SLC25A35: variants seen among roughly 807,000 people sequenced by gnomAD.
SLC25A35 encodes the protein solute carrier family 25, member 35.
Under a neutral mutation model 30.5 loss-of-function variants are expected in SLC25A35, and 32 were observed. The observed-to-expected ratio is 1.05, with a 90% CI of 0.79 to 1.41. The LOEUF is 1.41. SLC25A35 is among the 40% of genes most tolerant of loss of function. The pLI is 0.00. For missense variants in SLC25A35, 369 were observed against 388.0 expected, an observed-to-expected ratio of 0.95 and a Z score of 0.41; for synonymous variants, 142 against 158.1, an observed-to-expected ratio of 0.90 and a Z score of 0.77.
rs1990773278 is a variant in SLC25A35, at chr17:8,295,118, G to A, written c.-311C>T. ...GAAGGTTGCAGGTGGGATGGCTCAG[G>A]ATGGCGGGCGACGGGAGCACGGGAG... On this transcript the variant is annotated 5_prime_UTR_variant, in exon 1 of 5. Coordinates refer to ENST00000577745, the MANE Select transcript of SLC25A35 (RefSeq NM_001320870.2). 10 of 1,099,356 alleles carry A rather than the reference G, an allele frequency of 9.1e-6. No individual in the cohort carries two copies. Among genetic ancestry groups the A allele is most frequent in the Non-Finnish European group, 1.1e-5 (10 of 901,960 alleles). 68.1% of individuals were successfully genotyped at this position (1,099,356 alleles called of 1,614,324 possible).
At chr17:8,291,213 A>C in intron 3 of SLC25A35, 120 bp downstream of exon 3, 1 of 1,465,040 alleles carries the variant, frequency 6.8e-7, no homozygotes, top group Non-Finnish European at 9.3e-7. Context: ...GTTGACCTCC[A>C]AGCCCTCCTG....
chr17:8,294,249 G>T (rs1458300680), intron 1 of SLC25A35, among the ~76,000 whole-genome samples, 184 bp downstream of exon 1: 1 of 152,106 alleles, frequency 6.6e-6, no homozygotes, highest in Non-Finnish European at 1.5e-5. Flanking sequence ...ACATTCAATC[G>T]TGTCCATCAG....
In SLC25A35 at chr17:8,290,990, G is replaced by C. The variant is rs1325001710; in HGVS notation, c.595-14C>G. On this transcript the variant is annotated splice_polypyrimidine_tract_variant and intron_variant, in intron 3 of 4. Transcript: ENST00000577745. The stretch of plus-strand genomic sequence containing the variant: ...GGGAGGAAAGATCTAAGGGGGTAGA[G>C]AGGAAGAGCGTTGTCAACCAGCCAA... 2.1e-5 allele frequency: 34 copies of C among 1,613,724 alleles called. No individual in the cohort carries two copies. The highest frequency in any genetic ancestry group is 2.7e-5 in the African/African-American group (2 of 74,916).
chr17:8,294,666 G>A lies in SLC25A35; in HGVS notation c.142C>T (p.His48Tyr). Residue 48 changes from histidine to tyrosine, a missense_variant, in exon 1 of 5, where the codon CAT becomes TAT. Coordinates refer to ENST00000577745, the MANE Select transcript of SLC25A35 (RefSeq NM_001320870.2). ...TYQRHYRNVFHAFITIGKVDG... is the reference protein window; with the variant it reads ...TYQRHYRNVFYAFITIGKVDG... ...ACCTTGCCGATGGTGATGAAGGCAT[G>A]GAAGACATTTCGGTAGTGCCGCTGG... 6.2e-7 allele frequency: 1 copy of A among 1,614,194 alleles called. No individual in the cohort carries two copies. The highest frequency in any genetic ancestry group is 8.5e-7 in the Non-Finnish European group (1 of 1,180,040).
chr17:8,293,708 C>A (rs186075967), intron 1 of SLC25A35, among the ~76,000 whole-genome samples: 3,993 of 151,004 alleles, frequency 0.026, 175 homozygotes, highest in African/African-American at 0.087. Context: ...CCCACCACCA[C>A]GCCCGGCTAA....
rs1275349970 is a variant in SLC25A35 at position 8,294,481 on chromosome 17, C to T, written c.327G>A (p.Gly109=). The change falls in exon 1 of 5, where the codon GGG becomes GGA. Residue 109 remains glycine, a synonymous_variant. Coordinates refer to ENST00000577745, the MANE Select transcript of SLC25A35 (RefSeq NM_001320870.2). ...AGGCTCCCATGACCCCAGCCATGGC[C>T]CCAGCTGCTGCGCTGCGGGCAGGAC... ...THSPARSAAA[G]AMAGVMGAYL... is the part of the protein sequence containing the mutation. 1.2e-6 allele frequency: 2 copies of T among 1,608,656 alleles called. No individual in the cohort carries two copies. Among genetic ancestry groups the T allele is most frequent in the African/African-American group, 1.3e-5 (1 of 74,762 alleles).
intron 1 of SLC25A35, among the ~76,000 whole-genome samples, chr17:8,293,016 C>T (rs553717875): frequency 6.6e-6 from 1 of 152,338 alleles, no homozygotes; most frequent in African/African-American, 2.4e-5. Flanking sequence ...AGCCCCCAAC[C>T]CCCACAGAGG....
downstream of SLC25A35, chr17:8,290,046 A>C (rs1357737372): frequency 6.3e-6 from 10 of 1,585,788 alleles, no homozygotes; most frequent in Admixed American, 1.6e-4. Context: ...GTGCGTAAAC[A>C]TAAGACAATC....
downstream of SLC25A35, chr17:8,289,153 G>C: frequency 1.9e-6 from 3 of 1,601,292 alleles, no homozygotes; most frequent in East Asian, 6.7e-5. Flanking sequence ...CGGTTAATCC[G>C]GGCGGTGAGA....
At chr17:8,291,660 C>T (rs376411590) in intron 2 of SLC25A35, among the ~76,000 whole-genome samples, 175 bp from the exon 3 acceptor site, 9 of 152,184 alleles carry the variant, frequency 5.9e-5, no homozygotes, top group African/African-American at 2.2e-4. Flanking sequence ...TTGTTCCTTC[C>T]CTGGGCACCC....
downstream of SLC25A35, chr17:8,289,481 A>T: frequency 6.2e-7 from 1 of 1,614,172 alleles, no homozygotes; most frequent in Non-Finnish European, 8.5e-7. Context: ...CCAGGTAAGC[A>T]TCCTGACTCT....
chr17:8,288,919 A>G (rs761676470), downstream of SLC25A35: 6 of 1,613,822 alleles, frequency 3.7e-6, no homozygotes, highest in Non-Finnish European at 4.2e-6. Flanking sequence ...GTGGGAAGAG[A>G]CCGGGGTCAA....
rs1274636987 is a variant in SLC25A35 at position 8,294,813 on chromosome 17, G to A, written c.-6C>T. 6.4e-7 allele frequency: 1 copy of A among 1,565,684 alleles called. No homozygotes were observed. The highest frequency in any genetic ancestry group is 8.7e-7 in the Non-Finnish European group (1 of 1,154,196). ...CCACTCATCAAGAAGTCCATGGTGG[G>A]ATAGCTGTAGCAGGAACTGACCCAA... On this transcript the variant is annotated 5_prime_UTR_variant, in exon 1 of 5. Coordinates refer to ENST00000577745, the MANE Select transcript of SLC25A35 (RefSeq NM_001320870.2).
In SLC25A35 at chr17:8,294,570, G is replaced by T. The variant is rs756467308; in HGVS notation, c.238C>A (p.Arg80=). The T allele has an allele frequency of 1.2e-6, 2 of 1,614,040 alleles. No homozygotes were observed. The change falls in exon 1 of 5, where the codon CGA becomes AGA. Residue 80 remains arginine (R), a synonymous_variant. Transcript: ENST00000577745. ...TCAGCCAGCCCATAGGTGCCCAGTCGGATGCCATTCATCAGGAACTGGTAC... is the reference window on the plus strand; with the variant it reads ...TCAGCCAGCCCATAGGTGCCCAGTCTGATGCCATTCATCAGGAACTGGTAC... The part of the protein sequence containing the change: ...LLYQFLMNGI[R]LGTYGLAEAG...
At chr17:8,289,089 C>G (rs900678508), downstream of SLC25A35, 17 of 1,612,232 alleles carry the variant, frequency 1.1e-5, no homozygotes, top group Non-Finnish European at 1.4e-5. Context: ...GAATGGCCCC[C>G]GGCTGGCCAA....
downstream of SLC25A35, chr17:8,289,517 G>A: frequency 1.9e-6 from 3 of 1,614,204 alleles, no homozygotes; most frequent in Non-Finnish European, 2.5e-6. Context: ...CAAAGGACGT[G>A]ACACTTCATC....
downstream of SLC25A35, chr17:8,288,893 G>A: frequency 6.2e-7 from 1 of 1,614,100 alleles, no homozygotes; most frequent in Admixed American, 1.7e-5. Flanking sequence ...CCCAGGGGCG[G>A]CTGACTGGGT....
downstream of SLC25A35, chr17:8,289,592 A>C: frequency 6.2e-7 from 1 of 1,611,716 alleles, no homozygotes; most frequent in Non-Finnish European, 8.5e-7. Flanking sequence ...AGCCCCCGTA[A>C]GGAGGAAGGA....
In SLC25A35 at chr17:8,291,445, C is replaced by T. The variant is rs764114138; in HGVS notation, c.482G>A (p.Gly161Asp). 2.5e-6 allele frequency: 4 copies of T among 1,614,210 alleles called. No individual in the cohort carries two copies. Among genetic ancestry groups the T allele is most frequent in the Non-Finnish European group, 3.4e-6 (4 of 1,180,024 alleles). ...QALTEIGQKHGLVGLWRGALG... is the reference protein window; with the variant it reads ...QALTEIGQKHDLVGLWRGALG... ...AGCCCCACGCCATAACCCCACCAGA[C>T]CATGTTTCTGGCCAATCTCGGTTAG... is the stretch of plus-strand genomic sequence containing the variant. The change falls in exon 3 of 5, where the codon GGT (glycine) becomes GAT (aspartate). Residue 161 changes from glycine (G) to aspartate (D), a missense_variant. Physicochemically the swap from Gly to Asp is moderately conservative, Grantham distance 94. Transcript: ENST00000577745.
Sources: gnomAD v4.1 joint callset for allele counts (sites outside exome capture counted in the v4.1 genomes callset) on GRCh38, gnomAD v4.1.1 for gene constraint, MANE v1.5 for transcripts, NCBI Gene and HGNC (gene_info 2026-07-23, HGNC 2026-07-21) for gene names.